The following KIF1A variants were observed in gnomAD, a reference collection of about 807,000 sequenced individuals.
The protein encoded by KIF1A is kinesin-like protein KIF1A.
KIF1A carries 46 observed loss-of-function variants against 227.3 expected under a neutral mutation model. The ratio of observed to expected loss-of-function variants is 0.20; its 90% CI spans 0.16 to 0.26. The LOEUF is 0.26. Ranked by LOEUF, KIF1A falls within the 10% of genes least tolerant of loss-of-function variation. The probability of loss-of-function intolerance (pLI) is 1.00; values close to 1 mark genes in which losing one functional copy is unlikely to be tolerated. For missense variants in KIF1A, 1,683 were observed against 2,485.9 expected (o/e 0.68, Z 6.87); for synonymous variants, 1,022 against 1,012.8 (o/e 1.01, Z -0.17).
At chr2:240,772,697 C>T in intron 13 of KIF1A, 101 bp from the exon 14 acceptor site, 1 of 934,768 alleles carries the variant, frequency 1.1e-6, no homozygotes, top group East Asian at 2.6e-5. Flanking sequence ...CCAGGGTGGC[C>T]AGCAGTGGGT....
rs748305483 is a variant in KIF1A at position 240,766,144 on chromosome 2, G to A, written c.1685-351C>T. On this transcript the variant is annotated intron_variant, in intron 19 of 48. Transcript: ENST00000498729. This position sits in a 1 kb window ranked among gnomAD's most constrained non-coding sequence, Gnocchi z 5.0. ...CTGGGCCGTCCCACAGGAGAGGGTA[G>A]GCAGGGCTTTGCAGTCAGAGAATTC... Among the ~76,000 whole-genome samples, 5 of 152,260 alleles carry A rather than the reference G, an allele frequency of 3.3e-5. No homozygotes were observed. Among genetic ancestry groups the A allele is most frequent in the Non-Finnish European group, 7.3e-5 (5 of 68,044 alleles).
Position 240,757,846 on chromosome 2 carries a change from T to C in KIF1A, c.2583-252A>G, listed in dbSNP as rs1575582639. 6.6e-6 allele frequency among the ~76,000 whole-genome samples: 1 copy of C among 151,944 alleles called. No homozygotes were observed. Among genetic ancestry groups the C allele is most frequent in the Non-Finnish European group, 1.5e-5 (1 of 67,990 alleles). ...CTGCAGGTGGGACTGAGAACAGGGG[T>C]CTCGGCTGGGAGTGGCTGAGGCCAT... On this transcript the variant is annotated intron_variant, in intron 26 of 48. Coordinates refer to ENST00000498729, the MANE Select transcript of KIF1A (RefSeq NM_001244008.2). This position sits in a 1 kb window ranked among gnomAD's most constrained non-coding sequence, Gnocchi z 6.2.
chr2:240,734,508 T>C (rs1398596353), intron 38 of KIF1A, among the ~76,000 whole-genome samples: 1 of 151,276 alleles, frequency 6.6e-6, no homozygotes, highest in Non-Finnish European at 1.5e-5. Flanking sequence ...GAGGACAGGG[T>C]GGGAAAGCAA....
intron 40 of KIF1A, 96 bp from the exon 41 acceptor site, chr2:240,724,132 C>G (rs1458915455): frequency 2.8e-6 from 3 of 1,067,916 alleles, no homozygotes; most frequent in Non-Finnish European, 4.4e-6. Flanking sequence ...ATCAAACGCA[C>G]AGTCAGCCTG....
At chr2:240,802,283 T>C (rs2057041224) in intron 1 of KIF1A, among the ~76,000 whole-genome samples, 1 of 152,158 alleles carries the variant, frequency 6.6e-6, no homozygotes, top group Non-Finnish European at 1.5e-5. Flanking sequence ...AGGGTAATCA[T>C]TTAGAAAGTA....
rs1338897099 is a variant in KIF1A at position 240,789,893 on chromosome 2, T to G, written c.107-581A>C. Among the ~76,000 whole-genome samples, 1 of 151,788 alleles carries G rather than the reference T, an allele frequency of 6.6e-6. No homozygotes were observed. The highest frequency in any genetic ancestry group is 2.4e-5 in the African/African-American group (1 of 41,380). ...ACTTCAAGCCCAGTCCCAGGCACCCTGGGCTGGCTTCAGGCAGTGCTCACA... is the reference window on the plus strand; with the variant it reads ...ACTTCAAGCCCAGTCCCAGGCACCCGGGGCTGGCTTCAGGCAGTGCTCACA... On this transcript the variant is annotated intron_variant, in intron 2 of 48. Coordinates refer to ENST00000498729, the MANE Select transcript of KIF1A (RefSeq NM_001244008.2). The surrounding 1 kb of genome is among the most constrained non-coding windows in gnomAD (Gnocchi z 4.8).
Position 240,720,971 on chromosome 2 carries a change from G to T in KIF1A, c.4811C>A (p.Thr1604Asn). Reference sequence around the variant, plus strand: ...CAGAGAGGGGCAAGTGGAGGAGGGGGTGAGAGTGGCCACCCCTAGAGGGGA... The same window carrying T: ...CAGAGAGGGGCAAGTGGAGGAGGGGTTGAGAGTGGCCACCCCTAGAGGGGA... ...SMSPLGVATL[T>N]PSSTCPSLVE... Residue 1604 changes from threonine (T) to asparagine (N), a missense_variant, in exon 45 of 49, where the codon ACC (threonine) becomes AAC (asparagine). Physicochemically the swap from Thr to Asn is moderately conservative, Grantham distance 65. Coordinates refer to ENST00000498729, the MANE Select transcript of KIF1A (RefSeq NM_001244008.2). The T allele has an allele frequency of 3.1e-6, 5 of 1,605,952 alleles. No homozygotes were observed. Among genetic ancestry groups the T allele is most frequent in the Non-Finnish European group, 3.4e-6 (4 of 1,176,806 alleles).
chr2:240,750,958 A>G (rs1194246681), intron 27 of KIF1A, among the ~76,000 whole-genome samples: 1 of 152,078 alleles, frequency 6.6e-6, no homozygotes, highest in Non-Finnish European at 1.5e-5. Flanking sequence ...CCTCCTGCCC[A>G]CTTCCCAGGG....
chr2:240,788,162 A>G lies in KIF1A; in HGVS notation c.252T>C (p.His84=), dbSNP rs544589723. 2 of 1,613,700 alleles carry G rather than the reference A, an allele frequency of 1.2e-6. No individual in the cohort carries two copies. Among genetic ancestry groups the G allele is most frequent in the African/African-American group, 2.7e-5 (2 of 75,030 alleles). ...TGCACACGTTGTATCCCTCAAAGGC[A>G]TGCTGCAGCATCTCCTCGCCGATGT... is the stretch of plus-strand genomic sequence containing the variant. ...YRDIGEEMLQ[H]AFEGYNVCIF... Residue 84 remains histidine, a synonymous_variant, in exon 4 of 49, where the codon CAT becomes CAC. Transcript: ENST00000498729. This position sits in a 1 kb window ranked among gnomAD's most constrained non-coding sequence, Gnocchi z 6.6.
At chr2:240,787,028 T>C (rs2055027896) in intron 5 of KIF1A, among the ~76,000 whole-genome samples, 1 of 152,160 alleles carries the variant, frequency 6.6e-6, no homozygotes, top group African/African-American at 2.4e-5. Flanking sequence ...ACAGAGCAGC[T>C]GCTGGAGAAG....
In KIF1A at chr2:240,746,136, C is replaced by T. The variant is rs759168453; in HGVS notation, c.3105G>A (p.Ser1035=). The T allele has an allele frequency of 2.9e-5, 45 of 1,570,066 alleles. No homozygotes were observed. In the East Asian group the frequency reaches 9.0e-4, roughly 31 times the overall value. ...ESCPVVGMSR[S]GTSQEELRIV... ...TGCGAAGCTCTTCCTGGGAGGTTCC[C>T]GAGCGGGACATCCCCACCACGGGGC... Residue 1035 remains serine, a synonymous_variant, in exon 30 of 49, where the codon TCG becomes TCA. Transcript: ENST00000498729.
chr2:240,755,455 A>G (rs1001542467), intron 27 of KIF1A, among the ~76,000 whole-genome samples: 14 of 152,152 alleles, frequency 9.2e-5, no homozygotes, highest in African/African-American at 2.7e-4. Context: ...GGGTGCCCCA[A>G]TTTCGCTGAA....
At chr2:240,808,127 T>C (rs977658661) in intron 1 of KIF1A, among the ~76,000 whole-genome samples, 4 of 152,198 alleles carry the variant, frequency 2.6e-5, no homozygotes, top group Non-Finnish European at 4.4e-5. Flanking sequence ...CTATTTAACA[T>C]TGTAGGAGAG....
At chr2:240,738,002 C>T (rs879258272) in intron 37 of KIF1A, among the ~76,000 whole-genome samples, 11 of 152,216 alleles carry the variant, frequency 7.2e-5, no homozygotes, top group Non-Finnish European at 1.5e-4. Context: ...GCACTTAGGT[C>T]CTGGGAAGAG....
Position 240,728,940 on chromosome 2 carries a change from G to A in KIF1A, c.4008-2000C>T, listed in dbSNP as rs2046316621. ...TCAAGATGTCTTGCAGATTAAATGA[G>A]CTAATACTAGAGCACGATGAGAACA... On this transcript the variant is annotated intron_variant, in intron 38 of 48. Coordinates refer to ENST00000498729, the MANE Select transcript of KIF1A (RefSeq NM_001244008.2). 2.6e-5 allele frequency among the ~76,000 whole-genome samples: 4 copies of A among 152,304 alleles called. No individual in the cohort carries two copies. In the South Asian group the frequency reaches 8.3e-4, roughly 32 times the overall value.
chr2:240,774,394 C>A (rs1336882255), intron 11 of KIF1A, 133 bp from the exon 12 acceptor site: 3 of 387,058 alleles, frequency 7.8e-6, no homozygotes, highest in South Asian at 8.0e-5. Flanking sequence ...CAGGCTTACC[C>A]CCCCCCCCAC....
intron 34 of KIF1A, among the ~76,000 whole-genome samples, chr2:240,741,735 G>T (rs527721801): frequency 6.6e-6 from 1 of 152,196 alleles, no homozygotes; most frequent in African/African-American, 2.4e-5. Context: ...TCACGGGGCC[G>T]CTCTGCCATG....
intron 2 of KIF1A, among the ~76,000 whole-genome samples, chr2:240,795,714 G>A (rs1172161381): frequency 6.6e-6 from 1 of 152,228 alleles, no homozygotes; most frequent in Non-Finnish European, 1.5e-5. Flanking sequence ...GAGCCAGGGG[G>A]CAGGTCGGAG....
At chr2:240,814,651 G>A (rs553933071) in intron 1 of KIF1A, among the ~76,000 whole-genome samples, 22 of 152,326 alleles carry the variant, frequency 1.4e-4, no homozygotes, top group Admixed American at 7.2e-4. Context: ...AAAAGGCTGG[G>A]CGCGGTGGCT....
Sources: allele counts gnomAD v4.1 joint callset (sites outside exome capture counted in the v4.1 genomes callset), GRCh38; gene constraint gnomAD v4.1.1; non-coding constraint Gnocchi (gnomAD v3.1); transcripts MANE v1.5; gene names NCBI Gene and HGNC (gene_info 2026-07-23, HGNC 2026-07-21).